FER1L6: variants seen among roughly 807,000 people sequenced by gnomAD.
The protein encoded by FER1L6 is fer-1 like family member 6.
A neutral mutation model predicts 219.2 loss-of-function variants in FER1L6; 177 were observed. The observed-to-expected ratio is 0.81, with a 90% CI of 0.71 to 0.91. FER1L6 has a LOEUF of 0.91. Ranked by LOEUF, FER1L6 falls within the 40% of genes least tolerant of loss-of-function variation. The pLI, the probability that FER1L6 is intolerant of heterozygous loss-of-function variation, is 0.00. For missense variants in FER1L6, 2,153 were observed against 2,259.9 expected, an observed-to-expected ratio of 0.95 and a Z score of 0.96; for synonymous variants, 768 against 824.3, an observed-to-expected ratio of 0.93 and a Z score of 1.17.
Position 123,976,039 on chromosome 8 carries a change from G to A in FER1L6, c.825G>A (p.Lys275=), listed in dbSNP as rs1339740236. The A allele has an allele frequency of 1.2e-6, 2 of 1,614,012 alleles. No homozygotes were observed. The highest frequency in any genetic ancestry group is 1.7e-6 in the Non-Finnish European group (2 of 1,179,972). Residue 275 remains lysine (K), a synonymous_variant, in exon 9 of 41, where the codon AAG becomes AAA. Transcript: ENST00000522917. ...CCAAGGCATTTGTGGGTGACAGTAAGGACCTGGTGGATCCCTTTGTGGAGG... is the reference window on the plus strand; with the variant it reads ...CCAAGGCATTTGTGGGTGACAGTAAAGACCTGGTGGATCCCTTTGTGGAGG... ...NVTKAFVGDS[K]DLVDPFVEVS...
rs1816538866 is a variant in FER1L6 at position 123,852,863 on chromosome 8, A to T, written c.-8+678A>T. 6.6e-6 allele frequency among the ~76,000 whole-genome samples: 1 copy of T among 152,214 alleles called. No individual in the cohort carries two copies. The highest frequency in any genetic ancestry group is 1.5e-5 in the Non-Finnish European group (1 of 68,046). ...AATGTCTTTTTCTGTTCTAGGAGCCAGTCCAGAATCCCACATTGTAATTTT... is the reference window on the plus strand; with the variant it reads ...AATGTCTTTTTCTGTTCTAGGAGCCTGTCCAGAATCCCACATTGTAATTTT... On this transcript the variant is annotated intron_variant, in intron 1 of 40. Transcript: ENST00000522917. The surrounding 1 kb of genome is among the most constrained non-coding windows in gnomAD (Gnocchi z 4.9).
chr8:124,003,114 C>A, intron 12 of FER1L6, 53 bp from the exon 13 acceptor site: 1 of 1,503,498 alleles, frequency 6.7e-7, no homozygotes, highest in South Asian at 1.2e-5. Flanking sequence ...GCCAAGCAGA[C>A]TGATTCTGAT....
chr8:124,110,573 GT>G (rs1554649253), intron 39 of FER1L6, among the ~76,000 whole-genome samples: 1 of 152,110 alleles, frequency 6.6e-6, no homozygotes, highest in Non-Finnish European at 1.5e-5. Context: ...TCAAAAGCTA[GT>G]AAAGTTTTAT....
intron 32 of FER1L6, among the ~76,000 whole-genome samples, chr8:124,079,507 A>G (rs1019539714): frequency 1.3e-5 from 2 of 152,202 alleles, no homozygotes; most frequent in African/African-American, 4.8e-5. Context: ...GTTTGATTGA[A>G]TAACTGGAGA....
At chr8:124,032,539 G>A (rs1819016718) in intron 18 of FER1L6, among the ~76,000 whole-genome samples, 1 of 152,042 alleles carries the variant, frequency 6.6e-6, no homozygotes, top group African/African-American at 2.4e-5. Flanking sequence ...GATGACCCTA[G>A]GAAACATGGT....
chr8:123,867,167 G>C (rs186196887), intron 1 of FER1L6, among the ~76,000 whole-genome samples: 2 of 152,292 alleles, frequency 1.3e-5, no homozygotes, highest in African/African-American at 2.4e-5. Flanking sequence ...ATTTTCTCCT[G>C]TGTTTTCTTA....
At chr8:123,958,548 C>T (rs1815122009) in intron 2 of FER1L6, among the ~76,000 whole-genome samples, 1 of 152,012 alleles carries the variant, frequency 6.6e-6, no homozygotes, top group Non-Finnish European at 1.5e-5. Context: ...TGTTGCGAGC[C>T]CCAGATGATG....
intron 1 of FER1L6, among the ~76,000 whole-genome samples, chr8:123,864,237 A>C (rs1287204798): frequency 6.7e-6 from 1 of 150,256 alleles, no homozygotes; most frequent in Non-Finnish European, 1.5e-5. Flanking sequence ...TTCACTTATG[A>C]AGCTTAGTTT....
chr8:123,932,300 G>C (rs987125359), intron 1 of FER1L6, among the ~76,000 whole-genome samples: 1 of 151,972 alleles, frequency 6.6e-6, no homozygotes, highest in African/African-American at 2.4e-5. Context: ...GTAGAGACAG[G>C]GTTTCATTAT....
At chr8:123,995,363 C>T (rs940683395) in intron 12 of FER1L6, among the ~76,000 whole-genome samples, 1 of 152,080 alleles carries the variant, frequency 6.6e-6, no homozygotes, top group Non-Finnish European at 1.5e-5. Context: ...TTATTACTGG[C>T]CAGTTCAGGT....
intron 25 of FER1L6, among the ~76,000 whole-genome samples, chr8:124,063,949 A>G (rs1820707192): frequency 1.3e-5 from 2 of 152,198 alleles, no homozygotes; most frequent in African/African-American, 4.8e-5. Context: ...TTCTGCCTAC[A>G]GTTGGCGGCT....
rs1816549610 is a variant in FER1L6 at position 123,853,206 on chromosome 8, G to A, written c.-8+1021G>A. On this transcript the variant is annotated intron_variant, in intron 1 of 40. Transcript: ENST00000522917. The surrounding 1 kb of genome is among the most constrained non-coding windows in gnomAD (Gnocchi z 6.6). ...GTCTCACTCTATAGCCCAGGCTGGA[G>A]TGCAGTGGTACAATCTTGGCTCACT... Among the ~76,000 whole-genome samples, 1 of 152,118 alleles carries A rather than the reference G, an allele frequency of 6.6e-6. No homozygotes were observed. The highest frequency in any genetic ancestry group is 2.1e-4 in the South Asian group (1 of 4,822).
Position 123,966,084 on chromosome 8 carries a change from C to T in FER1L6, c.252+23C>T, listed in dbSNP as rs771542432. 5.0e-6 allele frequency: 8 copies of T among 1,613,422 alleles called. No individual in the cohort carries two copies. In the South Asian group the frequency reaches 8.8e-5, roughly 18 times the overall value. ...CAAGTAAGTGATTGGCTCTTCCTGC[C>T]CAGCCTCCCCCAGTGCTTCCTGTGT... is the stretch of plus-strand genomic sequence containing the variant. On this transcript the variant is annotated intron_variant, in intron 4 of 40. Transcript: ENST00000522917.
At chr8:124,062,066 C>A in intron 25 of FER1L6, 34 bp downstream of exon 25, 1 of 1,610,020 alleles carries the variant, frequency 6.2e-7, no homozygotes, top group South Asian at 1.1e-5. Flanking sequence ...GTAGCTGTAA[C>A]TATAAAGTCA....
intron 1 of FER1L6, among the ~76,000 whole-genome samples, chr8:123,941,446 C>T (rs914563328): frequency 2.6e-5 from 4 of 152,234 alleles, no homozygotes; most frequent in South Asian, 2.1e-4. Flanking sequence ...ATGTTCCAGT[C>T]GAGTCACTGA....
rs1819703089 is a variant in FER1L6 at position 124,045,820 on chromosome 8, T to A, written c.2643T>A (p.Asp881Glu). Reference sequence around the variant, plus strand: ...GGAACCAGATGCTGCTGTTCAATGATTTGGTGCTGCATGGAGATGTGAAGG... The same window carrying A: ...GGAACCAGATGCTGCTGTTCAATGAATTGGTGCTGCATGGAGATGTGAAGG... ...PTWNQMLLFN[D>E]LVLHGDVKEL... Residue 881 changes from aspartate to glutamate, a missense_variant, in exon 21 of 41, where the codon GAT becomes GAA. Transcript: ENST00000522917. 6.2e-7 allele frequency: 1 copy of A among 1,614,086 alleles called. No individual in the cohort carries two copies.
rs1021464558 is a variant in FER1L6 at position 124,091,498 on chromosome 8, G to C, written c.4467G>C (p.Leu1489=). Residue 1489 remains leucine (L), a synonymous_variant, in exon 34 of 41, where the codon CTG becomes CTC. Transcript: ENST00000522917. ...ILTKLCKDNK[L]DGPYFHPGKI... ...CTAAGCTCTGCAAAGACAACAAGCT[G>C]GATGGACCCTACTTTCACCCTGGGA... 6.2e-7 allele frequency: 1 copy of C among 1,613,924 alleles called. No homozygotes were observed. The highest frequency in any genetic ancestry group is 8.5e-7 in the Non-Finnish European group (1 of 1,179,784).
At chr8:124,025,689 T>A (rs1032841509) in intron 18 of FER1L6, among the ~76,000 whole-genome samples, 4 of 152,198 alleles carry the variant, frequency 2.6e-5, no homozygotes, top group African/African-American at 9.7e-5. Context: ...AATTTTAGGA[T>A]AGTTTTTTCT....
intron 1 of FER1L6, among the ~76,000 whole-genome samples, chr8:123,865,351 G>T (rs1166660261): frequency 6.7e-6 from 1 of 149,850 alleles, no homozygotes; most frequent in Non-Finnish European, 1.5e-5. Flanking sequence ...CAGATCTCCA[G>T]CTGCGTGCTG....
Sources: allele counts gnomAD v4.1 joint callset (sites outside exome capture counted in the v4.1 genomes callset), GRCh38; gene constraint gnomAD v4.1.1; non-coding constraint Gnocchi (gnomAD v3.1); transcripts MANE v1.5; gene names NCBI Gene and HGNC (gene_info 2026-07-23, HGNC 2026-07-21).